TRMT9B: variants seen among roughly 807,000 people sequenced by gnomAD.
TRMT9B encodes the protein probable tRNA methyltransferase 9B.
A neutral mutation model predicts 11.5 loss-of-function variants in TRMT9B; 16 were observed. The observed-to-expected ratio is 1.39, with a 90% CI of 0.94 to 2.11. The LOEUF is 2.11. Among genes scored for constraint, TRMT9B ranks in the 30% most tolerant of loss-of-function variants. TRMT9B has a pLI of 0.00. For missense variants in TRMT9B, 941 were observed against 553.8 expected, an observed-to-expected ratio of 1.70 and a Z score of -7.02; for synonymous variants, 274 against 192.4, an observed-to-expected ratio of 1.42 and a Z score of -3.51.
intron 1 of TRMT9B, among the ~76,000 whole-genome samples, chr8:12,974,495 T>C (rs576843929): frequency 2.0e-5 from 3 of 152,162 alleles, no homozygotes; most frequent in African/African-American, 7.2e-5. Context: ...TGAATTTCAT[T>C]CAAGGGCAAT....
chr8:12,955,087 G>C (rs1269057727), intron 1 of TRMT9B, among the ~76,000 whole-genome samples: 1 of 152,186 alleles, frequency 6.6e-6, no homozygotes, highest in Non-Finnish European at 1.5e-5. Context: ...CTGCAGAGAG[G>C]TTGCTGCCTA....
intron 2 of TRMT9B, among the ~76,000 whole-genome samples, chr8:12,999,093 G>A (rs1342172110): frequency 6.6e-6 from 1 of 152,082 alleles, no homozygotes; most frequent in Non-Finnish European, 1.5e-5. Flanking sequence ...GAGGTCAGAT[G>A]TTCAAGACCA....
Position 13,012,765 on chromosome 8 carries a change from T to G in TRMT9B, c.236T>G (p.Ile79Ser). The change falls in exon 4 of 5, where the codon ATT (isoleucine) becomes AGT (serine). Residue 79 changes from isoleucine (I) to serine (S), a missense_variant. Transcript: ENST00000524591. ...GCDYCGPLVE[I>S]ARNRGCEAMV... ...GACTACTGTGGGCCACTGGTAGAGATTGCCCGGAATAGAGGATGTGAAGCC... is the reference window on the plus strand; with the variant it reads ...GACTACTGTGGGCCACTGGTAGAGAGTGCCCGGAATAGAGGATGTGAAGCC... 1 of 1,613,950 alleles carries G rather than the reference T, an allele frequency of 6.2e-7. No individual in the cohort carries two copies. Among genetic ancestry groups the G allele is most frequent in the East Asian group, 2.2e-5 (1 of 44,870 alleles).
intron 3 of TRMT9B, among the ~76,000 whole-genome samples, chr8:13,009,503 T>C (rs1305300518): frequency 6.6e-6 from 1 of 152,168 alleles, no homozygotes; most frequent in Non-Finnish European, 1.5e-5. Context: ...TCCCAGTCCC[T>C]GGCGCCAAGC....
intron 1 of TRMT9B, chr8:12,958,893 A>G (rs1030742575): frequency 2.0e-5 from 3 of 152,204 alleles, no homozygotes; most frequent in African/African-American, 7.2e-5. Context: ...GAATTGAACA[A>G]TGAGAACACT....
chr8:13,002,771 T>A (rs372401895), intron 2 of TRMT9B, among the ~76,000 whole-genome samples: 2 of 152,196 alleles, frequency 1.3e-5, no homozygotes, highest in African/African-American at 4.8e-5. Context: ...AATATTTGCA[T>A]AGTCTCAAAG....
At chr8:12,961,254 A>G (rs1802059885) in intron 1 of TRMT9B, among the ~76,000 whole-genome samples, 1 of 152,224 alleles carries the variant, frequency 6.6e-6, no homozygotes, top group Non-Finnish European at 1.5e-5. Context: ...GAATCCTAAT[A>G]CAGCCTACGA....
chr8:12,958,035 G>A (rs118038117), intron 1 of TRMT9B, among the ~76,000 whole-genome samples: 105 of 152,078 alleles, frequency 6.9e-4, no homozygotes, highest in African/African-American at 2.4e-3. Flanking sequence ...GTTTTCACCC[G>A]GCTGATAAAG....
At chr8:12,988,931 G>C (rs1177951781) in intron 1 of TRMT9B, among the ~76,000 whole-genome samples, 1 of 145,834 alleles carries the variant, frequency 6.9e-6, no homozygotes, top group Non-Finnish European at 1.5e-5. Context: ...TTAATTTTCT[G>C]TTTATTTGTA....
intron 1 of TRMT9B, chr8:12,958,379 A>G (rs1801593230): frequency 6.6e-6 from 1 of 152,172 alleles, no homozygotes; most frequent in Non-Finnish European, 1.5e-5. Context: ...AGAAATTAAA[A>G]ATGGAAGGAA....
Position 13,025,897 on chromosome 8 carries a change from G to T in TRMT9B, c.*3853G>T. 1 of 166,646 alleles carries T rather than the reference G, an allele frequency of 6.0e-6. No individual in the cohort carries two copies. 10.3% of individuals were successfully genotyped at this position (166,646 alleles called of 1,614,324 possible). On this transcript the variant is annotated 3_prime_UTR_variant, in exon 5 of 5. Coordinates refer to ENST00000524591, the MANE Select transcript of TRMT9B (RefSeq NM_020844.3). ...TTTTAAGTGACCATCAATTCAATAG[G>T]CAAAAATTTGGAGTAATCCAGAGAA...
chr8:12,954,114 T>C (rs1399103790), intron 1 of TRMT9B, among the ~76,000 whole-genome samples: 1 of 152,242 alleles, frequency 6.6e-6, no homozygotes, highest in South Asian at 2.1e-4. Context: ...CCTGTGTGAA[T>C]GGTTAACTCT....
chr8:12,973,897 T>A (rs1804014593), intron 1 of TRMT9B, among the ~76,000 whole-genome samples: 1 of 152,276 alleles, frequency 6.6e-6, no homozygotes, highest in East Asian at 1.9e-4. Context: ...CGGTGGCTCA[T>A]ACCTGTAATC....
rs1235340820 is a variant in TRMT9B at position 12,990,933 on chromosome 8, G to C, written c.-100G>C. 3 of 1,289,118 alleles carry C rather than the reference G, an allele frequency of 2.3e-6. No homozygotes were observed. The highest frequency in any genetic ancestry group is 1.1e-4 in the East Asian group (2 of 18,020). 79.9% of individuals were successfully genotyped at this position (1,289,118 alleles called of 1,614,324 possible). A position where few individuals can be genotyped will look rare whatever the true frequency, so the allele number is the denominator to read the frequency against. On this transcript the variant is annotated 5_prime_UTR_variant, in exon 2 of 5. Coordinates refer to ENST00000524591, the MANE Select transcript of TRMT9B (RefSeq NM_020844.3). ...CAAGTTTTCATTTACGTTACACATT[G>C]AGAAAGTTATGAGAAGCAACTGTCA...
Position 13,021,810 on chromosome 8 carries a change from A to G in TRMT9B, c.1131A>G (p.Arg377=), listed in dbSNP as rs1223023477. 6.2e-7 allele frequency: 1 copy of G among 1,613,564 alleles called. No homozygotes were observed. The highest frequency in any genetic ancestry group is 1.3e-5 in the African/African-American group (1 of 74,890). Residue 377 remains arginine (R), a synonymous_variant, in exon 5 of 5, where the codon AGA becomes AGG. Coordinates refer to ENST00000524591, the MANE Select transcript of TRMT9B (RefSeq NM_020844.3). ...ATCCTTCTGCTAGTAAAATATTGAG[A>G]AGGATTTCTGCAGTTGATTCCACAG... ...DDNPSASKIL[R]RISAVDSTDF...
At chr8:12,979,864 G>T (rs1805067752) in intron 1 of TRMT9B, among the ~76,000 whole-genome samples, 1 of 152,122 alleles carries the variant, frequency 6.6e-6, no homozygotes, top group African/African-American at 2.4e-5. Flanking sequence ...AATACAGTAG[G>T]GACTGTACAG....
chr8:13,001,321 G>A (rs191832136), intron 2 of TRMT9B, among the ~76,000 whole-genome samples: 2 of 152,304 alleles, frequency 1.3e-5, no homozygotes, highest in Admixed American at 1.3e-4. Flanking sequence ...TCCACTCAGT[G>A]AGGCGGGGAT....
chr8:13,007,333 C>A (rs1029503971), intron 3 of TRMT9B: 2 of 152,168 alleles, frequency 1.3e-5, no homozygotes, highest in African/African-American at 4.8e-5. Flanking sequence ...CTTCGTAAAT[C>A]AAGAACTGGT....
intron 2 of TRMT9B, among the ~76,000 whole-genome samples, chr8:13,002,822 T>G (rs1211690582): frequency 6.6e-6 from 1 of 152,108 alleles, no homozygotes; most frequent in Non-Finnish European, 1.5e-5. Context: ...ACCCAAGTAC[T>G]TCCCACTTCC....
Sources: gnomAD v4.1 joint callset for allele counts (sites outside exome capture counted in the v4.1 genomes callset) on GRCh38, gnomAD v4.1.1 for gene constraint, MANE v1.5 for transcripts, NCBI Gene and HGNC (gene_info 2026-07-23, HGNC 2026-07-21) for gene names.